PTPRK: variants seen among roughly 807,000 people sequenced by gnomAD.
The protein encoded by PTPRK is protein tyrosine phosphatase receptor type K.
A neutral mutation model predicts 178.0 loss-of-function variants in PTPRK; 75 were observed. The observed-to-expected ratio is 0.42, with a 90% CI of 0.35 to 0.51. The LOEUF is 0.51. Among genes scored for constraint, PTPRK ranks in the 20% least tolerant of loss-of-function variants. The probability of loss-of-function intolerance (pLI) is 0.02; values close to 1 mark genes in which losing one functional copy is unlikely to be tolerated. For missense variants in PTPRK, 1,441 were observed against 1,797.8 expected, an observed-to-expected ratio of 0.80 and a Z score of 3.59; for synonymous variants, 637 against 620.6, an observed-to-expected ratio of 1.03 and a Z score of -0.39.
intron 8 of PTPRK, among the ~76,000 whole-genome samples, chr6:128,086,182 T>C (rs1785780657): frequency 6.6e-6 from 1 of 152,178 alleles, no homozygotes. Flanking sequence ...GAAAGTCCTT[T>C]ATAATATAAC....
chr6:128,269,941 A>C (rs1350204624), intron 3 of PTPRK, among the ~76,000 whole-genome samples: 1 of 152,128 alleles, frequency 6.6e-6, no homozygotes, highest in African/African-American at 2.4e-5. Flanking sequence ...TATGGAGAAA[A>C]ACAAAATCAA....
intron 6 of PTPRK, among the ~76,000 whole-genome samples, chr6:128,191,818 T>A (rs1255592442): frequency 6.6e-6 from 1 of 152,238 alleles, no homozygotes; most frequent in Middle Eastern, 3.4e-3. Flanking sequence ...AAATAATAAA[T>A]TTACCACGTA....
intron 3 of PTPRK, among the ~76,000 whole-genome samples, chr6:128,310,547 G>A (rs55969073): frequency 0.081 from 12,319 of 152,146 alleles, 570 homozygotes; most frequent in African/African-American, 0.12. Flanking sequence ...AACTCAACTG[G>A]CTCCAAACTG....
chr6:128,025,475 G>C (rs1048246542), intron 13 of PTPRK, among the ~76,000 whole-genome samples: 1 of 152,184 alleles, frequency 6.6e-6, no homozygotes, highest in South Asian at 2.1e-4. Flanking sequence ...GCTCAAATAA[G>C]ATCAAATGCT....
chr6:128,377,573 G>A (rs564361581), intron 2 of PTPRK, among the ~76,000 whole-genome samples: 1 of 152,166 alleles, frequency 6.6e-6, no homozygotes, highest in Non-Finnish European at 1.5e-5. Context: ...TGACTTGTAA[G>A]TAATAGACAA....
At chr6:127,977,132 T>C (rs1275071488) in intron 25 of PTPRK, 78 bp from the exon 26 acceptor site, 1 of 1,429,000 alleles carries the variant, frequency 7.0e-7, no homozygotes, top group South Asian at 1.2e-5. Context: ...TACAATACAC[T>C]TCAATGTAGG....
chr6:128,510,730 C>T (rs17055938), intron 1 of PTPRK, among the ~76,000 whole-genome samples: 33,279 of 151,964 alleles, frequency 0.22, 4,185 homozygotes, highest in African/African-American at 0.34. Flanking sequence ...TATATGCAGA[C>T]TACTATTCTA....
chr6:128,007,920 TACTTAAAACTTTTG>T, intron 14 of PTPRK: 1 of 535,788 alleles, frequency 1.9e-6, no homozygotes, highest in South Asian at 1.7e-5. Context: ...ATTGCTAAAA[TACTTAAAACTTTTG>T]CCTCACATAT....
At chr6:128,201,859 C>T (rs1413938931) in intron 6 of PTPRK, among the ~76,000 whole-genome samples, 1 of 151,756 alleles carries the variant, frequency 6.6e-6, no homozygotes, top group Non-Finnish European at 1.5e-5. Context: ...AGATAATGAC[C>T]CCAGTAACAC....
intron 3 of PTPRK, among the ~76,000 whole-genome samples, chr6:128,282,057 G>A (rs1356142813): frequency 6.6e-6 from 1 of 152,130 alleles, no homozygotes; most frequent in East Asian, 1.9e-4. Flanking sequence ...CTTTTCTGCT[G>A]CCTGGTTTAT....
intron 3 of PTPRK, among the ~76,000 whole-genome samples, chr6:128,251,127 GTTGTTTAC>G (rs1414870777): frequency 6.6e-6 from 1 of 152,082 alleles, no homozygotes; most frequent in Non-Finnish European, 1.5e-5. Flanking sequence ...TTTCCTATTT[GTTGTTTAC>G]TTGTTTACTT....
chr6:127,971,716 T>C (rs907988440), intron 29 of PTPRK, among the ~76,000 whole-genome samples: 4 of 151,824 alleles, frequency 2.6e-5, no homozygotes, highest in African/African-American at 7.3e-5. Flanking sequence ...AGTTTAACCA[T>C]AGATTTTTTT....
chr6:128,015,684 A>G (rs2114740320), intron 13 of PTPRK, among the ~76,000 whole-genome samples: 1 of 151,886 alleles, frequency 6.6e-6, no homozygotes, highest in South Asian at 2.1e-4. Context: ...ATCTTCTGAG[A>G]CACTTTCATT....
intron 6 of PTPRK, among the ~76,000 whole-genome samples, chr6:128,209,860 G>C (rs984224431): frequency 6.6e-6 from 1 of 151,074 alleles, no homozygotes; most frequent in Non-Finnish European, 1.5e-5. Flanking sequence ...GTGAGCAAAG[G>C]AGAGTCTTAT....
At chr6:128,148,527 G>A (rs1796806483) in intron 7 of PTPRK, among the ~76,000 whole-genome samples, 1 of 152,028 alleles carries the variant, frequency 6.6e-6, no homozygotes, top group Non-Finnish European at 1.5e-5. Context: ...TCTTTTGACA[G>A]GAAAAGGACA....
At chr6:128,375,648 A>G (rs1020679114) in intron 2 of PTPRK, among the ~76,000 whole-genome samples, 5 of 152,078 alleles carry the variant, frequency 3.3e-5, no homozygotes, top group Non-Finnish European at 1.5e-5. Flanking sequence ...TAGTCCCCCA[A>G]AGTCTCAGCT....
chr6:127,978,388 T>C (rs1173461827), intron 25 of PTPRK, among the ~76,000 whole-genome samples: 3 of 152,166 alleles, frequency 2.0e-5, no homozygotes, highest in Non-Finnish European at 2.9e-5. Context: ...GGTGGTTTTA[T>C]AAGGGGCTTC....
intron 1 of PTPRK, among the ~76,000 whole-genome samples, chr6:128,496,411 G>A (rs1426571400): frequency 2.0e-5 from 3 of 152,166 alleles, no homozygotes; most frequent in Admixed American, 6.5e-5. Flanking sequence ...TTATATCTAA[G>A]GAATTTGTCA....
intron 1 of PTPRK, among the ~76,000 whole-genome samples, chr6:128,434,962 T>TGCAGGCAGGCAGGCAG (rs373811894): frequency 2.0e-5 from 3 of 149,970 alleles, no homozygotes; most frequent in Non-Finnish European, 3.0e-5. Flanking sequence ...AGGTCAAGGT[T>TGCAGGCAGGCAGGCAG]GCAGGCAGGC....
Sources: allele counts gnomAD v4.1 joint callset (sites outside exome capture counted in the v4.1 genomes callset), GRCh38; gene constraint gnomAD v4.1.1; transcripts MANE v1.5; gene names NCBI Gene and HGNC (gene_info 2026-07-23, HGNC 2026-07-21).